Variants in SLC22A8 observed in about 807,000 individuals in gnomAD.
SLC22A8 encodes the protein organic anion transporter 3.
In SLC22A8, 40 loss-of-function variants were observed where a neutral mutation model predicts 48.4. The ratio of observed to expected loss-of-function variants is 0.83; its 90% CI spans 0.64 to 1.08. The LOEUF (loss-of-function observed/expected upper bound fraction) is 1.08, where lower values mean the gene tolerates loss of function less well. Among genes scored for constraint, SLC22A8 ranks in the 50% least tolerant of loss-of-function variants. SLC22A8 has a pLI of 0.00. For missense variants in SLC22A8, 606 were observed against 699.0 expected, an observed-to-expected ratio of 0.87 and a Z score of 1.50; for synonymous variants, 268 against 286.3, an observed-to-expected ratio of 0.94 and a Z score of 0.65.
Position 62,998,976 on chromosome 11 carries a change from G to T in SLC22A8, c.706C>A (p.Arg236Ser), listed in dbSNP as rs370695003. The change falls in exon 5 of 11, where the codon CGT becomes AGT. Residue 236 changes from arginine (R) to serine (S), a missense_variant. Coordinates refer to ENST00000336232, the MANE Select transcript of SLC22A8 (RefSeq NM_004254.4). ...PGLAYAIPQW[R>S]WLQLTVSIPF... ...ATGGACACAGTTAACTGCAGCCAAC[G>T]CCACTGGGGGATGGCGTAGGCCAGG... 5.0e-6 allele frequency: 8 copies of T among 1,613,836 alleles called. No individual in the cohort carries two copies. In the African/African-American group the frequency reaches 1.1e-4, roughly 22 times the overall value.
intron 4 of SLC22A8, chr11:62,999,417 TAATAGTGTCACTTA>T: frequency 4.2e-6 from 2 of 476,672 alleles, no homozygotes; most frequent in Non-Finnish European, 7.5e-6. Flanking sequence ...AAAATGGGAA[TAATAGTGTCACTTA>T]CTTGCAAGTG....
At position 62,994,572 on chromosome 11, in the gene SLC22A8, C is replaced by T. The variant is rs1179687341; in HGVS notation, c.1186G>A (p.Ala396Thr). The change falls in exon 8 of 11, where the codon GCC becomes ACC. Residue 396 changes from alanine to threonine, a missense_variant. Coordinates refer to ENST00000336232, the MANE Select transcript of SLC22A8 (RefSeq NM_004254.4). ...GGCACAAAGGTGAGAGCCAAGATGG[C>T]CCCTCCTGCCAGGAGCAGGGCAGCG... ...QAAALLLAGG[A>T]ILALTFVPLD... is the part of the protein sequence containing the mutation. The T allele has an allele frequency of 6.2e-7, 1 of 1,612,278 alleles. No homozygotes were observed. The highest frequency in any genetic ancestry group is 8.5e-7 in the Non-Finnish European group (1 of 1,179,188).
chr11:63,002,682 C>T (rs2086510325), intron 2 of SLC22A8, among the ~76,000 whole-genome samples: 1 of 152,152 alleles, frequency 6.6e-6, no homozygotes, highest in Admixed American at 6.5e-5. Flanking sequence ...ATCACTTGAT[C>T]TTCAAGATTC....
At chr11:62,995,411 G>A in intron 7 of SLC22A8, 3 of 473,680 alleles carry the variant, frequency 6.3e-6, no homozygotes, top group Non-Finnish European at 1.1e-5. Flanking sequence ...GGAGAGCATG[G>A]GGACACTGAG....
Position 62,993,260 on chromosome 11 carries a change from C to T in SLC22A8, c.1606G>A (p.Gly536Arg), listed in dbSNP as rs145075141. The T allele has an allele frequency of 1.6e-5, 26 of 1,612,720 alleles. No homozygotes were observed. Among genetic ancestry groups the T allele is most frequent in the African/African-American group, 1.5e-4 (11 of 74,864 alleles). Residue 536 changes from glycine to arginine, a missense_variant, in exon 11 of 11, where the codon GGA becomes AGA. Physicochemically the swap from Gly to Arg is moderately radical, Grantham distance 125. Transcript: ENST00000336232. ...CCTCAGCTGGAGCCCAGGCCTGGTCCGTGAGGCTGTAGAGGGATCCTCTGG... is the reference window on the plus strand; with the variant it reads ...CCTCAGCTGGAGCCCAGGCCTGGTCTGTGAGGCTGTAGAGGGATCCTCTGG... ...ASQRIPLQPH[G>R]PGLGSS
At chr11:63,010,014 TC>T (rs1461727500) in intron 2 of SLC22A8, among the ~76,000 whole-genome samples, 1 of 152,024 alleles carries the variant, frequency 6.6e-6, no homozygotes, top group East Asian at 1.9e-4. Context: ...TACCAGGGGA[TC>T]CCCCTCTCTT....
intron 5 of SLC22A8, among the ~76,000 whole-genome samples, chr11:62,996,861 G>A (rs964663220): frequency 1.3e-5 from 2 of 152,246 alleles, no homozygotes; most frequent in African/African-American, 4.8e-5. Flanking sequence ...AAGGAGTGGT[G>A]TTTGGAGAAG....
chr11:63,012,266 C>T (rs950336744), intron 2 of SLC22A8, among the ~76,000 whole-genome samples: 18 of 152,114 alleles, frequency 1.2e-4, no homozygotes, highest in African/African-American at 4.1e-4. Context: ...GCTGGGATTA[C>T]AGGTGTGAGC....
chr11:62,996,620 G>A (rs1344626777), intron 5 of SLC22A8, among the ~76,000 whole-genome samples: 1 of 152,230 alleles, frequency 6.6e-6, no homozygotes, highest in African/African-American at 2.4e-5. Context: ...AGGCTAAGGT[G>A]AGGTCAGGGA....
rs2086558615 is a variant in SLC22A8, at chr11:63,006,604, T to TTTTTTTG, written c.334-5782_334-5781insCAAAAAA. The stretch of plus-strand genomic sequence containing the variant: ...AGAATGTCTCATTTGAGTTTTTTTT[T>TTTTTTTG]TTTTTTTTTTTTTTTTTTTTTGAGA... On this transcript the variant is annotated intron_variant, in intron 2 of 10. Transcript: ENST00000336232. Among the ~76,000 whole-genome samples the TTTTTTTG allele has an allele frequency of 1.8e-5, 2 of 108,470 alleles. 1 individual carries two copies. Among genetic ancestry groups the TTTTTTTG allele is most frequent in the Non-Finnish European group, 3.7e-5 (2 of 54,772 alleles). The allele number at this position is 108,470 out of a possible 152,430, so 71.2% of individuals were successfully genotyped here.
chr11:63,001,088 C>A, intron 2 of SLC22A8: 1 of 439,158 alleles, frequency 2.3e-6, no homozygotes, highest in Non-Finnish European at 4.2e-6. Flanking sequence ...CCAGGTCTGG[C>A]CTCAACTGCT....
Position 62,993,525 on chromosome 11 carries a change from G to C in SLC22A8, c.1428C>G (p.Ile476Met). The C allele has an allele frequency of 6.2e-7, 1 of 1,614,176 alleles. No homozygotes were observed. Among genetic ancestry groups the C allele is most frequent in the Non-Finnish European group, 8.5e-7 (1 of 1,180,012 alleles). The change falls in exon 10 of 11, where the codon ATC becomes ATG. Residue 476 changes from isoleucine (I) to methionine (M), a missense_variant. Coordinates refer to ENST00000336232, the MANE Select transcript of SLC22A8 (RefSeq NM_004254.4). Reference protein sequence around the residue: ...TGEVQPFIPNIIYGITALLGG... With the variant: ...TGEVQPFIPNMIYGITALLGG... ...CGAGGAGGGCGGTGATCCCGTAGAT[G>C]ATATTGGGGATGAAGGGCTGTACCT...
chr11:63,012,434 C>T (rs2086629912), intron 2 of SLC22A8, among the ~76,000 whole-genome samples: 1 of 152,256 alleles, frequency 6.6e-6, no homozygotes, highest in South Asian at 2.1e-4. Context: ...TTTCTTCTTG[C>T]CTCTGTGTCT....
intron 2 of SLC22A8, among the ~76,000 whole-genome samples, chr11:63,012,255 A>C (rs2086627647): frequency 6.6e-6 from 1 of 151,740 alleles, no homozygotes. Flanking sequence ...CTCCCAAAGT[A>C]GCTGGGATTA....
intron 2 of SLC22A8, among the ~76,000 whole-genome samples, chr11:63,008,846 C>T (rs192073654): frequency 2.8e-4 from 43 of 152,070 alleles, no homozygotes; most frequent in South Asian, 8.3e-4. Context: ...GATCTGAGCC[C>T]GGTGTATTCC....
intron 5 of SLC22A8, 71 bp downstream of exon 5, chr11:62,998,850 G>T: frequency 1.4e-6 from 2 of 1,408,838 alleles, no homozygotes; most frequent in Non-Finnish European, 2.0e-6. Context: ...GGCCAGCCTG[G>T]GCAGGTATGG....
intron 5 of SLC22A8, among the ~76,000 whole-genome samples, chr11:62,997,338 C>G (rs1386962944): frequency 6.6e-6 from 1 of 152,182 alleles, no homozygotes; most frequent in Admixed American, 6.5e-5. Context: ...GATTTTCCTG[C>G]CTCAGCCTCC....
At chr11:62,999,607 G>A in intron 4 of SLC22A8, 81 bp downstream of exon 4, 1 of 1,230,548 alleles carries the variant, frequency 8.1e-7, no homozygotes. Context: ...GCCTGTGGTT[G>A]AGCCAGACCC....
At chr11:62,994,220 C>G (rs753238657) in intron 8 of SLC22A8, 15 of 522,438 alleles carry the variant, frequency 2.9e-5, no homozygotes, top group Non-Finnish European at 4.5e-5. Context: ...TGGGGTCTTT[C>G]TTGAGCATGA....
Sources: gnomAD v4.1 joint callset for allele counts (sites outside exome capture counted in the v4.1 genomes callset) on GRCh38, gnomAD v4.1.1 for gene constraint, MANE v1.5 for transcripts, NCBI Gene and HGNC (gene_info 2026-07-23, HGNC 2026-07-21) for gene names.